SENP2: variants seen among roughly 807,000 people sequenced by gnomAD.
The protein encoded by SENP2 is SUMO specific peptidase 2.
SENP2 carries 16 observed loss-of-function variants against 86.3 expected under a neutral mutation model. The observed-to-expected ratio is 0.19, with a 90% CI of 0.13 to 0.28. The LOEUF is 0.28. SENP2 is among the 10% of genes least tolerant of loss of function. SENP2 has a pLI of 1.00. For missense variants in SENP2, 552 were observed against 703.0 expected (o/e 0.79, Z 2.43); for synonymous variants, 222 against 238.7 (o/e 0.93, Z 0.64).
Position 185,595,195 on chromosome 3 carries a change from C to T in SENP2, c.158-3217C>T, listed in dbSNP as rs189610212. On this transcript the variant is annotated intron_variant, in intron 2 of 16. Coordinates refer to ENST00000296257, the MANE Select transcript of SENP2 (RefSeq NM_021627.3). The stretch of plus-strand genomic sequence containing the variant: ...CAGGGGCATACCGAGATTTTGATAA[C>T]ATTCGTAGGAAAATAAATATTATGA... Among the ~76,000 whole-genome samples, 237 of 152,212 alleles carry T rather than the reference C, an allele frequency of 1.6e-3. 2 individuals are homozygous for T. The highest frequency in any genetic ancestry group is 2.6e-3 in the Non-Finnish European group (176 of 68,006).
At chr3:185,616,775 C>A (rs1316889646) in intron 11 of SENP2, among the ~76,000 whole-genome samples, 1,793 of 121,368 alleles carry the variant, frequency 0.015, no homozygotes, top group African/African-American at 0.017. Flanking sequence ...ACTCCGTCTC[C>A]AAAAAAAAAA....
intron 6 of SENP2, among the ~76,000 whole-genome samples, chr3:185,607,526 C>T (rs1162228308): frequency 6.6e-6 from 1 of 151,514 alleles, no homozygotes; most frequent in Non-Finnish European, 1.5e-5. Context: ...GATGAGTTTT[C>T]ACCACGTTGG....
intron 16 of SENP2, among the ~76,000 whole-genome samples, chr3:185,628,370 CAG>C (rs1327226024): frequency 6.6e-6 from 1 of 152,194 alleles, no homozygotes; most frequent in Non-Finnish European, 1.5e-5. Flanking sequence ...CTCCTGACCT[CAG>C]GTGATCCACC....
intron 2 of SENP2, among the ~76,000 whole-genome samples, chr3:185,591,784 G>A (rs1434091238): frequency 2.0e-5 from 3 of 151,552 alleles, no homozygotes; most frequent in African/African-American, 7.3e-5. Context: ...AGGCTGGGAT[G>A]CAGTGGCATA....
Position 185,617,693 on chromosome 3 carries a change from TATA to T in SENP2, c.1242+85_1242+87del, listed in dbSNP as rs1159900561. On this transcript the variant is annotated intron_variant, in intron 12 of 16. Transcript: ENST00000296257. Reference sequence around the variant, plus strand: ...ATAATCAAAGTGACTCCTACCCAGTTATAATGGGTTGGTAATGCAACTCTTAGT... The same window carrying T: ...ATAATCAAAGTGACTCCTACCCAGTTATGGGTTGGTAATGCAACTCTTAGT... 10 of 1,171,248 alleles carry T rather than the reference TATA, an allele frequency of 8.5e-6. No homozygotes were observed. In the African/African-American group the frequency reaches 1.2e-4, roughly 15 times the overall value. 72.6% of individuals were successfully genotyped at this position (1,171,248 alleles called of 1,614,324 possible). A position where few individuals can be genotyped will look rare whatever the true frequency, so the allele number is the denominator to read the frequency against.
intron 13 of SENP2, among the ~76,000 whole-genome samples, chr3:185,619,823 A>G (rs977632227): frequency 2.0e-5 from 3 of 152,034 alleles, no homozygotes; most frequent in African/African-American, 7.2e-5. Context: ...GAAGTCCTGG[A>G]CTCAGGTGAT....
intron 16 of SENP2, among the ~76,000 whole-genome samples, chr3:185,627,261 G>T (rs1577748672): frequency 6.6e-6 from 1 of 152,100 alleles, no homozygotes; most frequent in South Asian, 2.1e-4. Flanking sequence ...GCATTCATTG[G>T]TTCCTGTGTA....
chr3:185,627,191 T>C (rs1212535155), intron 16 of SENP2, among the ~76,000 whole-genome samples: 1 of 152,064 alleles, frequency 6.6e-6, no homozygotes, highest in Non-Finnish European at 1.5e-5. Context: ...TTATCTGCTC[T>C]CAGGTTTATC....
intron 11 of SENP2, among the ~76,000 whole-genome samples, chr3:185,616,635 C>T (rs1285654754): frequency 6.6e-6 from 1 of 151,926 alleles, no homozygotes; most frequent in Non-Finnish European, 1.5e-5. Context: ...ATTAGCCGGG[C>T]GTGGTGGCGG....
At chr3:185,601,242 G>A (rs546543714) in intron 5 of SENP2, among the ~76,000 whole-genome samples, 53 of 151,616 alleles carry the variant, frequency 3.5e-4, no homozygotes, top group Non-Finnish European at 5.3e-4. Flanking sequence ...ATGGGGTTTC[G>A]CTATGTTGGC....
Position 185,617,588 on chromosome 3 carries a change from A to G in SENP2, c.1219A>G (p.Asn407Asp), listed in dbSNP as rs1370408235. Residue 407 changes from asparagine (N) to aspartate (D), a missense_variant, in exon 12 of 17, where the codon AAC (asparagine) becomes GAC (aspartate). Around this residue, in one of 2 missense-constraint regions of SENP2, gnomAD observed 169 missense variants for 275.7 expected, o/e 0.61. Transcript: ENST00000296257. ...ITRGDIQTLK[N>D]YHWLNDEVIN... ...TCGAGGAGATATTCAGACATTAAAG[A>G]ACTATCACTGGCTCAATGATGAAGT... The G allele has an allele frequency of 6.2e-7, 1 of 1,613,650 alleles. No individual in the cohort carries two copies. The highest frequency in any genetic ancestry group is 1.3e-5 in the African/African-American group (1 of 74,912).
intron 2 of SENP2, among the ~76,000 whole-genome samples, chr3:185,591,597 T>C (rs74705076): frequency 0.086 from 13,021 of 151,558 alleles, 881 homozygotes; most frequent in South Asian, 0.34. Context: ...GTGATCCACC[T>C]GCCTCAGCCT....
chr3:185,618,368 A>T (rs1473696409), intron 12 of SENP2, among the ~76,000 whole-genome samples: 2 of 152,234 alleles, frequency 1.3e-5, no homozygotes, highest in Non-Finnish European at 2.9e-5. Flanking sequence ...ATTTAGCAAA[A>T]GCTAACTCTT....
intron 1 of SENP2, among the ~76,000 whole-genome samples, chr3:185,588,135 G>T (rs1173540377): frequency 2.2e-5 from 3 of 135,194 alleles, no homozygotes; most frequent in Non-Finnish European, 3.0e-5. Context: ...TCGGCTCACT[G>T]CAACCTCCGC....
intron 2 of SENP2, among the ~76,000 whole-genome samples, chr3:185,595,904 G>A (rs1173569547): frequency 2.7e-5 from 4 of 150,706 alleles, no homozygotes; most frequent in African/African-American, 7.3e-5. Flanking sequence ...GGGTTCCAAC[G>A]ATTCTTCTGC....
In SENP2 at chr3:185,606,281, A is replaced by G. The variant is rs767148998; in HGVS notation, c.450-49A>G. The stretch of plus-strand genomic sequence containing the variant: ...TGGTCTGGGAGCTTAGATTCCAGCA[A>G]TTTAAGCAGCTTGGTGATACTTTTT... On this transcript the variant is annotated intron_variant, in intron 5 of 16. Coordinates refer to ENST00000296257, the MANE Select transcript of SENP2 (RefSeq NM_021627.3). 11 of 1,526,868 alleles carry G rather than the reference A, an allele frequency of 7.2e-6. No homozygotes were observed. The South Asian group carries it at 1.3e-4, about 18-fold the overall frequency. The allele number at this position is 1,526,868 out of a possible 1,614,324, so 94.6% of individuals were successfully genotyped here. A position where few individuals can be genotyped will look rare whatever the true frequency, so the allele number is the denominator to read the frequency against.
At chr3:185,615,587 A>G (rs935979544) in intron 11 of SENP2, among the ~76,000 whole-genome samples, 2 of 151,930 alleles carry the variant, frequency 1.3e-5, no homozygotes, top group African/African-American at 4.8e-5. Flanking sequence ...TAGATGATCT[A>G]CCCACCTCGG....
chr3:185,629,345 G>C (rs111526894), intron 16 of SENP2, among the ~76,000 whole-genome samples: 1 of 152,156 alleles, frequency 6.6e-6, no homozygotes, highest in East Asian at 1.9e-4. Context: ...GGGATGCTGA[G>C]GCGGGCGGAT....
chr3:185,602,240 A>T (rs1398272873), intron 5 of SENP2, among the ~76,000 whole-genome samples: 2 of 152,144 alleles, frequency 1.3e-5, no homozygotes, highest in Non-Finnish European at 1.5e-5. Flanking sequence ...TATATTTAGG[A>T]ATGAGAAACT....
Sources: gnomAD v4.1 joint callset for allele counts (sites outside exome capture counted in the v4.1 genomes callset) on GRCh38, gnomAD v4.1.1 for gene constraint, gnomAD v4.1.1 regional missense constraint, MANE v1.5 for transcripts, NCBI Gene and HGNC (gene_info 2026-07-23, HGNC 2026-07-21) for gene names.